ZNF799: variants seen among roughly 807,000 people sequenced by gnomAD.
ZNF799 encodes the protein zinc finger protein 14.
In ZNF799, 28 loss-of-function variants were observed where a neutral mutation model predicts 41.0. The ratio of observed to expected loss-of-function variants is 0.68; its 90% confidence interval spans 0.51 to 0.94. The LOEUF is 0.94. Among genes scored for constraint, ZNF799 ranks in the 40% least tolerant of loss-of-function variants. The pLI is 0.00. For synonymous variants in ZNF799, 213 were observed against 252.9 expected (o/e 0.84, Z 1.50); for missense variants, 716 against 764.3 (o/e 0.94, Z 0.74).
In ZNF799 at chr19:12,401,244, A is replaced by T; in HGVS notation, c.-174T>A. Reference sequence around the variant, plus strand: ...ACGCCGCGGGCTTTTTCAACCACACACTCCTCTGGGAAGCGCGCCTGATTG... The same window carrying T: ...ACGCCGCGGGCTTTTTCAACCACACTCTCCTCTGGGAAGCGCGCCTGATTG... On this transcript the variant is annotated 5_prime_UTR_variant, in exon 1 of 4. Transcript: ENST00000430385. 7.0e-7 allele frequency: 1 copy of T among 1,434,810 alleles called. No homozygotes were observed. The highest frequency in any genetic ancestry group is 9.3e-7 in the Non-Finnish European group (1 of 1,080,450). The allele number at this position is 1,434,810 out of a possible 1,614,324, so 88.9% of individuals were successfully genotyped here. A position where few individuals can be genotyped will look rare whatever the true frequency, so the allele number is the denominator to read the frequency against.
rs774534138 is a variant in ZNF799, at chr19:12,401,145, T to G, written c.-75A>C. The G allele has an allele frequency of 6.8e-6, 11 of 1,611,508 alleles. No homozygotes were observed. The highest frequency in any genetic ancestry group is 9.3e-6 in the Non-Finnish European group (11 of 1,179,200). Reference sequence around the variant, plus strand: ...ATGCGGGTTCCCGCGGGACACAGGCTGCCACGGAACTTCCAGGTCGTCTCT... The same window carrying G: ...ATGCGGGTTCCCGCGGGACACAGGCGGCCACGGAACTTCCAGGTCGTCTCT... On this transcript the variant is annotated 5_prime_UTR_variant, in exon 1 of 4. Coordinates refer to ENST00000430385, the MANE Select transcript of ZNF799 (RefSeq NM_001080821.3).
intron 1 of ZNF799, chr19:12,398,085 C>T (rs1969925744): frequency 6.6e-6 from 1 of 151,858 alleles, no homozygotes; most frequent in South Asian, 2.1e-4. Flanking sequence ...ACTGTCTCCA[C>T]TAAAAATACG....
At position 12,401,213 on chromosome 19, in the gene ZNF799, G is replaced by A. The variant is rs1215120478; in HGVS notation, c.-143C>T. 1 of 1,520,382 alleles carries A rather than the reference G, an allele frequency of 6.6e-7. No individual in the cohort carries two copies. 94.2% of individuals were successfully genotyped at this position (1,520,382 alleles called of 1,614,324 possible). On this transcript the variant is annotated 5_prime_UTR_variant, in exon 1 of 4. Coordinates refer to ENST00000430385, the MANE Select transcript of ZNF799 (RefSeq NM_001080821.3). ...ACCGAGCGCCCAGCGCAGGTGGGTG[G>A]AGAAGACGCCGCGGGCTTTTTCAAC... is the stretch of plus-strand genomic sequence containing the variant.
the ZNF799 span, among the ~76,000 whole-genome samples, chr19:12,410,327 G>A: frequency 1.4e-5 from 2 of 143,572 alleles, no homozygotes; most frequent in Non-Finnish European, 3.0e-5. Flanking sequence ...TCATAGAGAT[G>A]AGATCTATAT....
chr19:12,406,043 T>C (rs1970026892), upstream of ZNF799, among the ~76,000 whole-genome samples: 2 of 150,040 alleles, frequency 1.3e-5, no homozygotes, highest in South Asian at 4.2e-4. Context: ...TGTAGTGGCA[T>C]GCGCCTGTAT....
chr19:12,392,420 A>G (rs1346586699), intron 3 of ZNF799, among the ~76,000 whole-genome samples, 183 bp downstream of exon 3: 1 of 152,228 alleles, frequency 6.6e-6, no homozygotes, highest in African/African-American at 2.4e-5. Context: ...TATTGTTGTC[A>G]TGGGAACTAA....
Position 12,391,884 on chromosome 19 carries a change from T to C in ZNF799, c.514A>G (p.Lys172Glu). The part of the protein sequence containing the change: ...LHTGKKPYNC[K>E]ECGKSFSSLG... ...GAACTGAAGGACTTCCCACATTCTT[T>C]ACAATTATATGGTTTCTTTCCAGTG... Residue 172 changes from lysine to glutamate, a missense_variant, in exon 4 of 4, where the codon AAA (lysine) becomes GAA (glutamate). Transcript: ENST00000430385. 1.2e-6 allele frequency: 2 copies of C among 1,614,222 alleles called. No homozygotes were observed.
At position 12,391,959 on chromosome 19, in the gene ZNF799, C is replaced by T; in HGVS notation, c.439G>A (p.Gly147Arg). The change falls in exon 4 of 4, where the codon GGG (glycine) becomes AGG (arginine). Residue 147 changes from glycine to arginine, a missense_variant. Around this residue, in one of 2 missense-constraint regions of ZNF799, gnomAD observed 698 missense variants for 713.6 expected, o/e 0.98. Transcript: ENST00000430385. ...GAGTTGTGGTAACTGAAGGCTTTCC[C>T]ACGTTGTTTATGCGTATCTGGCTTC... The part of the protein sequence containing the change: ...GEKPDTHKQR[G>R]KAFSYHNSLQ... 6.2e-7 allele frequency: 1 copy of T among 1,614,152 alleles called. No homozygotes were observed. The highest frequency in any genetic ancestry group is 1.1e-5 in the South Asian group (1 of 91,076).
At chr19:12,397,748 G>A (rs1437180491) in intron 1 of ZNF799, among the ~76,000 whole-genome samples, 3 of 151,292 alleles carry the variant, frequency 2.0e-5, no homozygotes, top group African/African-American at 2.4e-5. Flanking sequence ...TATGAATCCA[G>A]GTATATCAAT....
rs745677246 is a variant in ZNF799 at position 12,391,299 on chromosome 19, A to C, written c.1099T>G (p.Cys367Gly). The change falls in exon 4 of 4, where the codon TGC becomes GGC. Residue 367 changes from cysteine to glycine, a missense_variant. Physicochemically the swap from Cys to Gly is radical, Grantham distance 159. Coordinates refer to ENST00000430385, the MANE Select transcript of ZNF799 (RefSeq NM_001080821.3). ...GATAACGCTTTCCCACACTGCTTGCATTCATAGAGTTTCTCTCCAGTGTGA... is the reference window on the plus strand; with the variant it reads ...GATAACGCTTTCCCACACTGCTTGCCTTCATAGAGTTTCTCTCCAGTGTGA... ...RTHTGEKLYE[C>G]KQCGKALSHS... 2 of 1,614,218 alleles carry C rather than the reference A, an allele frequency of 1.2e-6. No homozygotes were observed. Among genetic ancestry groups the C allele is most frequent in the Non-Finnish European group, 1.7e-6 (2 of 1,180,010 alleles).
In ZNF799 at chr19:12,391,147, T is replaced by A; in HGVS notation, c.1251A>T (p.Ala417=). 1 of 1,614,226 alleles carries A rather than the reference T, an allele frequency of 6.2e-7. No individual in the cohort carries two copies. The highest frequency in any genetic ancestry group is 8.5e-7 in the Non-Finnish European group (1 of 1,180,012). Residue 417 remains alanine, a synonymous_variant, in exon 4 of 4, where the codon GCA becomes GCT. Transcript: ENST00000430385. The part of the protein sequence containing the change: ...VFQRHEKTHT[A]EKPYKCKQCG... ...ATTGTTTACATTTATAGGGTTTCTC[T>A]GCAGTGTGAGTCTTTTCATGCCTTT...
chr19:12,402,416 C>CTTTTTTTTTTTTTTTTTTTTTTTTTTTTT, upstream of ZNF799, among the ~76,000 whole-genome samples: 1 of 125,048 alleles, frequency 8.0e-6, no homozygotes, highest in Non-Finnish European at 1.6e-5. Context: ...CCCTTTATTT[C>CTTTTTTTTTTTTTTTTTTTTTTTTTTTTT]TTTTTTTTTT....
At chr19:12,414,985 C>T in the ZNF799 span, among the ~76,000 whole-genome samples, 13 of 152,130 alleles carry the variant, frequency 8.5e-5, no homozygotes, top group African/African-American at 2.7e-4. Flanking sequence ...CCAATCAAAA[C>T]CTGAAACATT....
At chr19:12,406,855 G>A in the ZNF799 span, among the ~76,000 whole-genome samples, 10 of 152,152 alleles carry the variant, frequency 6.6e-5, no homozygotes, top group East Asian at 5.8e-4. Flanking sequence ...AGCGGAGATC[G>A]CGTCACTGCA....
chr19:12,413,618 C>G, the ZNF799 span, among the ~76,000 whole-genome samples: 7 of 152,324 alleles, frequency 4.6e-5, 1 homozygote, highest in African/African-American at 1.7e-4. Context: ...CATGCGTACA[C>G]GGTCAGACAG....
upstream of ZNF799, among the ~76,000 whole-genome samples, chr19:12,404,055 G>A (rs1313960837): frequency 6.6e-6 from 1 of 152,118 alleles, no homozygotes; most frequent in Non-Finnish European, 1.5e-5. Context: ...TGTTTGTATG[G>A]TTTCCAGAAT....
intron 1 of ZNF799, chr19:12,393,708 C>A: frequency 3.3e-6 from 4 of 1,224,404 alleles, no homozygotes; most frequent in Non-Finnish European, 4.2e-6. Context: ...TGTTGATTTC[C>A]ACAGTGGGTC....
In ZNF799 at chr19:12,390,985, AG is replaced by A; in HGVS notation, c.1412del (p.Ala471ValfsTer49). 1 of 1,614,186 alleles carries A rather than the reference AG, an allele frequency of 6.2e-7. No homozygotes were observed. Among genetic ancestry groups the A allele is most frequent in the Non-Finnish European group, 8.5e-7 (1 of 1,180,018 alleles). On this transcript the variant is annotated frameshift_variant, in exon 4 of 4. Transcript: ENST00000430385. LOFTEE classifies it high-confidence loss of function. Reference protein sequence around the residue: ...YSFQNHKTTHAGEKPYECKEC... With the variant: ...YSFQNHKTTHXGEKPYECKEC... ...CCTTACACTCATATGGCTTCTCTCC[AG>A]CATGAGTTGTTTTGTGATTTTGAAA...
chr19:12,410,995 T>C, the ZNF799 span, among the ~76,000 whole-genome samples: 468 of 152,258 alleles, frequency 3.1e-3, 3 homozygotes, highest in Non-Finnish European at 4.7e-3. Flanking sequence ...GGCAAACACT[T>C]ATGGAAGAAA....
Sources: allele counts gnomAD v4.1 joint callset (sites outside exome capture counted in the v4.1 genomes callset), GRCh38; gene constraint gnomAD v4.1.1; regional missense constraint gnomAD v4.1.1; transcripts MANE v1.5; gene names NCBI Gene and HGNC (gene_info 2026-07-23, HGNC 2026-07-21).